EYS: variants seen among roughly 807,000 people sequenced by gnomAD.
The protein encoded by EYS is protein eyes shut homolog.
In EYS, 250 loss-of-function variants were observed where a neutral mutation model predicts 282.1. The observed-to-expected ratio is 0.89, with a 90% CI of 0.80 to 0.98. The LOEUF is 0.98. Among genes scored for constraint, EYS ranks in the 50% least tolerant of loss-of-function variants. The pLI is 0.00. For missense variants in EYS, 4,016 were observed against 3,709.0 expected, an observed-to-expected ratio of 1.08 and a Z score of -2.15; for synonymous variants, 1,355 against 1,282.9, an observed-to-expected ratio of 1.06 and a Z score of -1.20.
At chr6:64,185,452 C>T (rs1764906929) in intron 31 of EYS, among the ~76,000 whole-genome samples, 1 of 152,118 alleles carries the variant, frequency 6.6e-6, no homozygotes, top group African/African-American at 2.4e-5. Context: ...ATCTCAGAAC[C>T]TCACATCAAA....
chr6:64,438,233 C>T (rs540393651), intron 27 of EYS, among the ~76,000 whole-genome samples: 2 of 151,850 alleles, frequency 1.3e-5, no homozygotes, highest in African/African-American at 4.8e-5. Context: ...CTCACAGTCT[C>T]TTTGCATTCT....
intron 5 of EYS, among the ~76,000 whole-genome samples, chr6:65,427,083 T>G (rs1222121649): frequency 6.6e-6 from 1 of 152,084 alleles, no homozygotes; most frequent in Non-Finnish European, 1.5e-5. Flanking sequence ...AAATAAAATT[T>G]GTAAAGTTTA....
intron 11 of EYS, chr6:65,300,971 GTT>G (rs1409247656): frequency 6.6e-6 from 1 of 152,226 alleles, no homozygotes; most frequent in Non-Finnish European, 1.5e-5. Flanking sequence ...GAATTCAGGA[GTT>G]TAACTGTGTG....
rs61568416 is a variant in EYS, at chr6:63,845,389, A to ATTTT, written c.7228+18793_7228+18796dup. Among the ~76,000 whole-genome samples, 179 of 145,602 alleles carry ATTTT rather than the reference A, an allele frequency of 1.2e-3. 1 individual carries two copies. The highest frequency in any genetic ancestry group is 3.5e-3 in the African/African-American group (138 of 39,862). On this transcript the variant is annotated intron_variant, in intron 36 of 42. Transcript: ENST00000503581. The stretch of plus-strand genomic sequence containing the variant: ...TTAATCACTATAAAATGATGCAAGG[A>ATTTT]TTTTTTTTTTTTTGGTTAATAAAAC...
intron 9 of EYS, among the ~76,000 whole-genome samples, chr6:65,345,166 A>C (rs2150320800): frequency 6.6e-6 from 1 of 151,956 alleles, no homozygotes; most frequent in Non-Finnish European, 1.5e-5. Flanking sequence ...GCTAGGAACC[A>C]AGCACAATAT....
chr6:65,459,103 A>G (rs1363445975), intron 5 of EYS, among the ~76,000 whole-genome samples: 4 of 152,126 alleles, frequency 2.6e-5, no homozygotes, highest in Non-Finnish European at 5.9e-5. Context: ...CTATGATAGA[A>G]TTATACACAC....
chr6:63,815,600 CAT>C (rs1219736746), intron 36 of EYS, among the ~76,000 whole-genome samples: 21 of 152,264 alleles, frequency 1.4e-4, no homozygotes, highest in Admixed American at 8.5e-4. Context: ...AATGTAAACA[CAT>C]ATTAACTACT....
At chr6:65,248,782 C>T (rs1349095734) in intron 12 of EYS, among the ~76,000 whole-genome samples, 3 of 151,764 alleles carry the variant, frequency 2.0e-5, no homozygotes, top group Non-Finnish European at 4.4e-5. Context: ...ATTAGAACTT[C>T]CATTTATATG....
chr6:63,754,011 T>C (rs562564098), intron 41 of EYS, among the ~76,000 whole-genome samples: 1 of 152,276 alleles, frequency 6.6e-6, no homozygotes, highest in East Asian at 1.9e-4. Context: ...CTAGCAGAAA[T>C]AATGCATTTA....
At chr6:64,823,309 T>A (rs1018635156) in intron 19 of EYS, among the ~76,000 whole-genome samples, 1 of 151,798 alleles carries the variant, frequency 6.6e-6, no homozygotes, top group African/African-American at 2.4e-5. Context: ...AAAGGCCAAG[T>A]AGCGAATATT....
chr6:65,175,688 A>G (rs1765207412), intron 12 of EYS, among the ~76,000 whole-genome samples: 1 of 151,532 alleles, frequency 6.6e-6, no homozygotes, highest in African/African-American at 2.4e-5. Flanking sequence ...TGAAGATTTT[A>G]ACAAGTGGAC....
chr6:64,260,018 A>C (rs6926103), intron 30 of EYS, among the ~76,000 whole-genome samples: 104,482 of 151,904 alleles, frequency 0.69, 35,955 homozygotes, highest in South Asian at 0.71. Context: ...ATCTGAAGTA[A>C]AGACTTAATG....
intron 11 of EYS, among the ~76,000 whole-genome samples, chr6:65,306,587 C>T (rs3892053): frequency 0.67 from 94,331 of 139,894 alleles, 30,108 homozygotes; most frequent in East Asian, 0.86. Flanking sequence ...TTTCGTGTTC[C>T]GCATTATTTG....
intron 12 of EYS, among the ~76,000 whole-genome samples, chr6:65,232,155 T>G (rs140398464): frequency 6.6e-6 from 1 of 152,050 alleles, no homozygotes; most frequent in Non-Finnish European, 1.5e-5. Context: ...ATATTCCTAA[T>G]CAGTCCAAGT....
chr6:64,875,208 C>A lies in EYS; in HGVS notation c.2992+11489G>T, dbSNP rs899495159. 3.3e-5 allele frequency among the ~76,000 whole-genome samples: 5 copies of A among 152,026 alleles called. No homozygotes were observed. The South Asian group carries it at 8.3e-4, about 25-fold the overall frequency. Reference sequence around the variant, plus strand: ...ATGTGCTTTGTACACTCAATTCTTACCTCAATTTGCACCAATTTGTGTGTG... The same window carrying A: ...ATGTGCTTTGTACACTCAATTCTTAACTCAATTTGCACCAATTTGTGTGTG... On this transcript the variant is annotated intron_variant, in intron 19 of 42. Coordinates refer to ENST00000503581, the MANE Select transcript of EYS (RefSeq NM_001142800.2).
At chr6:64,753,657 A>T (rs1772838070) in intron 22 of EYS, among the ~76,000 whole-genome samples, 1 of 151,850 alleles carries the variant, frequency 6.6e-6, no homozygotes, top group East Asian at 1.9e-4. Flanking sequence ...CAGCAATACA[A>T]TACTACTGAA....
intron 31 of EYS, among the ~76,000 whole-genome samples, chr6:64,125,168 CT>C (rs1773728865): frequency 6.6e-6 from 1 of 151,250 alleles, no homozygotes; most frequent in African/African-American, 2.4e-5. Flanking sequence ...CTCTCTCTCT[CT>C]CTCTCTCGCT....
Position 65,533,254 on chromosome 6 carries a change from A to G in EYS, c.-332-37261T>C, listed in dbSNP as rs143627174. ...CTATAAGAAATGGATAAATTCCTGG[A>G]CACATACACCCTCCCAAGACTAAAT... is the stretch of plus-strand genomic sequence containing the variant. On this transcript the variant is annotated intron_variant, in intron 2 of 42. Coordinates refer to ENST00000503581, the MANE Select transcript of EYS (RefSeq NM_001142800.2). 5.1e-4 allele frequency among the ~76,000 whole-genome samples: 77 copies of G among 152,260 alleles called. 1 individual carries two copies. Among genetic ancestry groups the G allele is most frequent in the African/African-American group, 1.7e-3 (71 of 41,564 alleles).
chr6:64,948,482 C>G (rs1399473011), intron 14 of EYS, among the ~76,000 whole-genome samples: 1 of 145,438 alleles, frequency 6.9e-6, no homozygotes, highest in Non-Finnish European at 1.5e-5. Flanking sequence ...ATATTAATAA[C>G]TATTAAATAT....
Sources: gnomAD v4.1 joint callset for allele counts (sites outside exome capture counted in the v4.1 genomes callset) on GRCh38, gnomAD v4.1.1 for gene constraint, MANE v1.5 for transcripts, NCBI Gene and HGNC (gene_info 2026-07-23, HGNC 2026-07-21) for gene names.